Variants in TENM2 observed in about 807,000 individuals in gnomAD.
TENM2 encodes the protein teneurin transmembrane protein 2, also known as teneurin-2.
In TENM2, 52 loss-of-function variants were observed where a neutral mutation model predicts 245.2. The ratio of observed to expected loss-of-function variants is 0.21; its 90% CI spans 0.17 to 0.27. TENM2 has a LOEUF of 0.27. TENM2 is among the 10% of genes least tolerant of loss of function. The pLI is 1.00. For synonymous variants in TENM2, 1,363 were observed against 1,438.9 expected (o/e 0.95, Z 1.19); for missense variants, 3,046 against 3,666.8 (o/e 0.83, Z 4.37).
chr5:167,994,335 C>G (rs1783891930), intron 5 of TENM2, among the ~76,000 whole-genome samples: 1 of 152,216 alleles, frequency 6.6e-6, no homozygotes, highest in Non-Finnish European at 1.5e-5. Flanking sequence ...GGCCTTGCCC[C>G]TTCCCTCAAC....
chr5:167,987,280 A>G (rs1170338325), intron 4 of TENM2, among the ~76,000 whole-genome samples: 3 of 151,880 alleles, frequency 2.0e-5, no homozygotes, highest in African/African-American at 4.8e-5. Flanking sequence ...TTCAGGTAGA[A>G]TTTCTTAAAT....
the TENM2 span, among the ~76,000 whole-genome samples, chr5:167,216,660 C>T: frequency 2.6e-5 from 4 of 152,158 alleles, no homozygotes; most frequent in African/African-American, 9.7e-5. Context: ...GGCATGATGG[C>T]TTATGCCTGT....
At chr5:168,146,192 C>T (rs1004148870) in intron 12 of TENM2, among the ~76,000 whole-genome samples, 1 of 152,018 alleles carries the variant, frequency 6.6e-6, no homozygotes, top group Non-Finnish European at 1.5e-5. Flanking sequence ...TGCCTAATTG[C>T]CCTGGCCAGA....
At chr5:167,029,672 A>T in the TENM2 span, among the ~76,000 whole-genome samples, 4 of 152,182 alleles carry the variant, frequency 2.6e-5, no homozygotes, top group African/African-American at 4.8e-5. Context: ...GTTGCCAGGG[A>T]CAACAGATGT....
intron 10 of TENM2, among the ~76,000 whole-genome samples, chr5:168,119,374 C>T (rs1163816139): frequency 2.0e-5 from 3 of 152,218 alleles, no homozygotes; most frequent in Admixed American, 2.0e-4. Context: ...GAGCACCTCT[C>T]TGGAGGGGAT....
chr5:167,392,734 C>T (rs1761830131), intron 2 of TENM2, among the ~76,000 whole-genome samples: 1 of 152,120 alleles, frequency 6.6e-6, no homozygotes, highest in Admixed American at 6.6e-5. Context: ...AATATGTTGT[C>T]TGTAATTTCA....
chr5:167,983,364 A>G (rs1181826534), intron 4 of TENM2, among the ~76,000 whole-genome samples: 1 of 152,168 alleles, frequency 6.6e-6, no homozygotes, highest in Non-Finnish European at 1.5e-5. Flanking sequence ...GTGTGACACT[A>G]TTTAAATATC....
At chr5:167,416,971 C>T (rs1472627090) in intron 2 of TENM2, among the ~76,000 whole-genome samples, 1 of 152,076 alleles carries the variant, frequency 6.6e-6, no homozygotes, top group Non-Finnish European at 1.5e-5. Flanking sequence ...CTTTTCTTCT[C>T]TTGTCATTGT....
chr5:167,641,024 A>G (rs1168567229), intron 2 of TENM2, among the ~76,000 whole-genome samples: 1 of 150,548 alleles, frequency 6.6e-6, no homozygotes, highest in East Asian at 2.0e-4. Context: ...CTGAAGTGGA[A>G]ACCCTAGGAG....
intron 2 of TENM2, chr5:167,660,605 G>A (rs1217510760): frequency 6.6e-6 from 1 of 151,022 alleles, no homozygotes; most frequent in Non-Finnish European, 1.5e-5. Context: ...ACATATTAAA[G>A]GCTCTAAGAA....
intron 2 of TENM2, among the ~76,000 whole-genome samples, chr5:167,474,981 T>C (rs1031331960): frequency 3.7e-4 from 57 of 152,310 alleles, no homozygotes; most frequent in African/African-American, 1.3e-3. Context: ...ACCTAGTATA[T>C]TTTTAGATGT....
intron 12 of TENM2, among the ~76,000 whole-genome samples, chr5:168,156,253 A>AAAAAAAC (rs1757156524): frequency 6.7e-6 from 1 of 149,554 alleles, no homozygotes; most frequent in Non-Finnish European, 1.5e-5. Context: ...TAGTTAAAAA[A>AAAAAAAC]AAAAAAAAAA....
intron 2 of TENM2, chr5:167,573,906 A>G (rs1265193853): frequency 6.6e-6 from 1 of 151,622 alleles, no homozygotes; most frequent in Non-Finnish European, 1.5e-5. Context: ...AAAAAAAAAG[A>G]AAGAAAAAAA....
the TENM2 span, among the ~76,000 whole-genome samples, chr5:167,249,481 C>A: frequency 6.6e-6 from 1 of 152,094 alleles, no homozygotes; most frequent in Non-Finnish European, 1.5e-5. Context: ...CTCTCACCTC[C>A]TCCTTACTTC....
intron 2 of TENM2, among the ~76,000 whole-genome samples, chr5:167,496,232 G>A (rs917458304): frequency 2.0e-5 from 3 of 152,010 alleles, no homozygotes; most frequent in East Asian, 1.9e-4. Flanking sequence ...TTAGTTCCCC[G>A]AACTTTTCAA....
chr5:167,519,613 A>T (rs1464676273), intron 2 of TENM2, among the ~76,000 whole-genome samples: 1 of 152,188 alleles, frequency 6.6e-6, no homozygotes. Flanking sequence ...GGAAAAAATT[A>T]AGGGGCTCAG....
At chr5:167,065,974 T>C in the TENM2 span, among the ~76,000 whole-genome samples, 1 of 152,196 alleles carries the variant, frequency 6.6e-6, no homozygotes, top group African/African-American at 2.4e-5. Flanking sequence ...GTCGTTTTCA[T>C]CAAGGATGAC....
Position 168,226,123 on chromosome 5 carries a change from G to A in TENM2, c.5144G>A (p.Arg1715His), listed in dbSNP as rs370545716. The change falls in exon 24 of 29, where the codon CGC becomes CAC. Residue 1715 changes from arginine to histidine, a missense_variant. Arg to His is a conservative substitution (Grantham distance 29, BLOSUM62 0). Transcript: ENST00000518659. The stretch of plus-strand genomic sequence containing the variant: ...GAAGGCCGCCTGACCAACGTGACGC[G>A]CCCCACGGGGGTGGTAACCAGTCTG... 3.5e-5 allele frequency: 57 copies of A among 1,613,448 alleles called. No individual in the cohort carries two copies. Among genetic ancestry groups the A allele is most frequent in the East Asian group, 8.9e-5 (4 of 44,878 alleles).
intron 2 of TENM2, among the ~76,000 whole-genome samples, chr5:167,603,498 C>T (rs143500599): frequency 1.3e-5 from 2 of 152,170 alleles, no homozygotes; most frequent in Non-Finnish European, 2.9e-5. Flanking sequence ...GCCTGGGCAA[C>T]ATAGTGAAAC....
Sources: allele counts gnomAD v4.1 joint callset (sites outside exome capture counted in the v4.1 genomes callset), GRCh38; gene constraint gnomAD v4.1.1; transcripts MANE v1.5; gene names NCBI Gene and HGNC (gene_info 2026-07-23, HGNC 2026-07-21).